PTPA: variants seen among roughly 807,000 people sequenced by gnomAD.
The protein encoded by PTPA is protein phosphatase 2 phosphatase activator, also known as serine/threonine-protein phosphatase 2A activator.
PTPA carries 13 observed loss-of-function variants against 43.6 expected under a neutral mutation model. The observed-to-expected ratio is 0.30, with a 90% CI of 0.19 to 0.47. PTPA has a LOEUF of 0.47. Ranked by LOEUF, PTPA falls within the 20% of genes least tolerant of loss-of-function variation. The probability of loss-of-function intolerance (pLI) is 0.99; values close to 1 mark genes in which losing one functional copy is unlikely to be tolerated. For synonymous variants in PTPA, 172 were observed against 158.2 expected (o/e 1.09, Z -0.66); for missense variants, 329 against 411.9 (o/e 0.80, Z 1.74).
At chr9:129,113,466 C>A (rs1437306783) in intron 1 of PTPA, among the ~76,000 whole-genome samples, 1 of 151,726 alleles carries the variant, frequency 6.6e-6, no homozygotes, top group African/African-American at 2.4e-5. Flanking sequence ...AACAAGCTAG[C>A]CTTAGAAGTT....
At chr9:129,125,873 G>A (rs1314624962) in intron 3 of PTPA, among the ~76,000 whole-genome samples, 1 of 152,184 alleles carries the variant, frequency 6.6e-6, no homozygotes, top group Non-Finnish European at 1.5e-5. Flanking sequence ...TTTTGGCTGG[G>A]CGCGGTGGCT....
At position 129,147,459 on chromosome 9, in the gene PTPA, G is replaced by A; in HGVS notation, c.967G>A (p.Gly323Ser). 1.9e-6 allele frequency: 3 copies of A among 1,613,620 alleles called. No homozygotes were observed. The highest frequency in any genetic ancestry group is 2.5e-6 in the Non-Finnish European group (3 of 1,179,960). ...SLLPIHPVTS[G>S] ...GCTGCCCATCCATCCTGTCACGTCG[G>A]GCTAGGAGGGGCCAAGCCGAAGAGC... The change falls in exon 10 of 10, where the codon GGC becomes AGC. Residue 323 changes from glycine (G) to serine (S), a missense_variant. Transcript: ENST00000393370.
intron 1 of PTPA, among the ~76,000 whole-genome samples, chr9:129,112,284 C>T (rs1385518112): frequency 1.3e-5 from 2 of 152,200 alleles, no homozygotes; most frequent in Non-Finnish European, 1.5e-5. Flanking sequence ...TCTTAAATAA[C>T]TGGGATGGAG....
intron 8 of PTPA, chr9:129,140,082 G>A (rs1190371346): frequency 7.0e-6 from 1 of 142,320 alleles, no homozygotes; most frequent in Non-Finnish European, 1.5e-5. Flanking sequence ...CATCCCCCCA[G>A]TTACTGACAG....
intron 9 of PTPA, among the ~76,000 whole-genome samples, chr9:129,145,036 GAAA>G (rs899022416): frequency 1.7e-4 from 24 of 143,818 alleles, no homozygotes; most frequent in Admixed American, 7.6e-4. Context: ...CCGTCTCAAA[GAAA>G]AAAATCACTG....
chr9:129,138,091 C>A, intron 8 of PTPA: 1 of 269,176 alleles, frequency 3.7e-6, no homozygotes. Flanking sequence ...AAAATGAAAC[C>A]ACCAGAGGAG....
chr9:129,121,431 T>C (rs1849243098), intron 2 of PTPA, among the ~76,000 whole-genome samples: 1 of 152,208 alleles, frequency 6.6e-6, no homozygotes, highest in Non-Finnish European at 1.5e-5. Flanking sequence ...GAAATAGTTA[T>C]CATGTCTTTT....
intron 4 of PTPA, among the ~76,000 whole-genome samples, chr9:129,131,196 A>C (rs7036124): frequency 0.011 from 1,619 of 152,260 alleles, 26 homozygotes; most frequent in African/African-American, 0.036. Context: ...CCTGTGTGGG[A>C]ATCATAGCAC....
At chr9:129,135,561 T>TA (rs1306970626) in intron 6 of PTPA, among the ~76,000 whole-genome samples, 1 of 152,222 alleles carries the variant, frequency 6.6e-6, no homozygotes, top group East Asian at 1.9e-4. Flanking sequence ...GGCACAGAGA[T>TA]ATCCGGTGTC....
In PTPA at chr9:129,147,767, A is replaced by C. The variant is rs1588548188; in HGVS notation, c.*303A>C. 8.0e-6 allele frequency: 3 copies of C among 372,936 alleles called. No homozygotes were observed. Among genetic ancestry groups the C allele is most frequent in the Non-Finnish European group, 1.0e-5 (2 of 197,454 alleles). 23.1% of individuals were successfully genotyped at this position (372,936 alleles called of 1,614,324 possible). A position where few individuals can be genotyped will look rare whatever the true frequency, so the allele number is the denominator to read the frequency against. On this transcript the variant is annotated 3_prime_UTR_variant, in exon 10 of 10. Coordinates refer to ENST00000393370, the MANE Select transcript of PTPA (RefSeq NM_178000.3). Reference sequence around the variant, plus strand: ...CCTGTTTCTGGCCTCTTCTCCCTTCACTCCCGTCCAGTCTGGTTTTGAGAG... The same window carrying C: ...CCTGTTTCTGGCCTCTTCTCCCTTCCCTCCCGTCCAGTCTGGTTTTGAGAG...
At chr9:129,127,012 C>A (rs910655191) in intron 3 of PTPA, among the ~76,000 whole-genome samples, 1 of 152,106 alleles carries the variant, frequency 6.6e-6, no homozygotes, top group South Asian at 2.1e-4. Context: ...CATTGTAAGC[C>A]CCCGTTTCTG....
intron 2 of PTPA, 53 bp from the exon 3 acceptor site, chr9:129,122,999 C>A: frequency 7.5e-7 from 1 of 1,325,798 alleles, no homozygotes; most frequent in Non-Finnish European, 1.1e-6. Context: ...GCAGGTGGGG[C>A]GGGGGGGTCT....
intron 5 of PTPA, among the ~76,000 whole-genome samples, chr9:129,132,231 G>GA (rs1850025307): frequency 6.6e-6 from 1 of 152,208 alleles, no homozygotes; most frequent in Non-Finnish European, 1.5e-5. Context: ...TTTGGAGGCT[G>GA]AGGGGGAGGA....
chr9:129,123,036 CCT>C lies in PTPA; in HGVS notation c.130-11_130-10del, dbSNP rs970418660. ...CCACCCCTCTCCCCATCCCCATTCT[CCT>C]CTCTGTTTGGTAGGCATACGCTGAC... On this transcript the variant is annotated splice_polypyrimidine_tract_variant and intron_variant, in intron 2 of 9. Coordinates refer to ENST00000393370, the MANE Select transcript of PTPA (RefSeq NM_178000.3). The C allele has an allele frequency of 1.9e-6, 3 of 1,590,112 alleles. No homozygotes were observed. Among genetic ancestry groups the C allele is most frequent in the African/African-American group, 1.3e-5 (1 of 74,448 alleles).
At chr9:129,144,266 C>T (rs572176019) in intron 9 of PTPA, among the ~76,000 whole-genome samples, 7 of 151,572 alleles carry the variant, frequency 4.6e-5, no homozygotes, top group African/African-American at 1.2e-4. Context: ...TCGGGGTCTC[C>T]GTGGGGGCTG....
chr9:129,123,108 G>A lies in PTPA; in HGVS notation c.186G>A (p.Lys62=). 6.2e-7 allele frequency: 1 copy of A among 1,612,372 alleles called. No individual in the cohort carries two copies. The highest frequency in any genetic ancestry group is 8.5e-7 in the Non-Finnish European group (1 of 1,178,794). Residue 62 remains lysine (K), a synonymous_variant, in exon 3 of 10, where the codon AAG becomes AAA. Coordinates refer to ENST00000393370, the MANE Select transcript of PTPA (RefSeq NM_178000.3). ...CCCTCAACGAAGGTGTGAAGGGGAA[G>A]AAGCTGACCTTCGAGTACAGAGTCT... ...ILTLNEGVKG[K]KLTFEYRVSE...
chr9:129,131,673 A>G lies in PTPA; in HGVS notation c.460+34A>G, dbSNP rs199798587. The G allele has an allele frequency of 2.0e-4, 322 of 1,587,892 alleles. 1 individual carries two copies. The highest frequency in any genetic ancestry group is 8.4e-5 in the Admixed American group (5 of 59,852). ...TGCTTGTGGGGCTCTGTACTTATCT[A>G]GCTTCACTGCTTTCTGTTTTGGGCT... On this transcript the variant is annotated intron_variant, in intron 5 of 9. Coordinates refer to ENST00000393370, the MANE Select transcript of PTPA (RefSeq NM_178000.3).
chr9:129,143,410 T>G (rs1160740888), intron 9 of PTPA: 1 of 703,022 alleles, frequency 1.4e-6, no homozygotes, highest in South Asian at 1.5e-5. Flanking sequence ...CCTCAGACAC[T>G]GTACTGTGGG....
intron 8 of PTPA, among the ~76,000 whole-genome samples, chr9:129,140,786 A>AGGGGT: frequency 2.0e-4 from 1 of 4,956 alleles, no homozygotes; most frequent in African/African-American, 6.1e-4. Context: ...AGACTGGGGA[A>AGGGGT]GGGGTGGGGT....
Sources: gnomAD v4.1 joint callset for allele counts (sites outside exome capture counted in the v4.1 genomes callset) on GRCh38, gnomAD v4.1.1 for gene constraint, MANE v1.5 for transcripts, NCBI Gene and HGNC (gene_info 2026-07-23, HGNC 2026-07-21) for gene names.